The following SEL1L3 variants were observed in gnomAD, a reference collection of about 807,000 sequenced individuals.
SEL1L3 encodes the protein protein sel-1 homolog 3.
A neutral mutation model predicts 142.8 loss-of-function variants in SEL1L3; 76 were observed. The observed-to-expected ratio is 0.53, with a 90% CI of 0.44 to 0.64. The LOEUF is 0.64. SEL1L3 is among the 30% of genes least tolerant of loss of function. SEL1L3 has a pLI of 0.00. For missense variants in SEL1L3, 1,262 were observed against 1,381.7 expected (o/e 0.91, Z 1.37); for synonymous variants, 504 against 519.6 (o/e 0.97, Z 0.41).
Position 25,818,229 on chromosome 4 carries a change from G to A in SEL1L3, c.1473C>T (p.Pro491=). ...YLDLQRRYGR[P]SMCRAFPWEK... is the part of the protein sequence containing the mutation. ...CCCAGGGGAAGGCTCTGCACATCGA[G>A]GGTCTCCCATACCTGCGCTGGAGGT... The change falls in exon 9 of 24, where the codon CCC becomes CCT. Residue 491 remains proline, a synonymous_variant. Transcript: ENST00000399878. 6.2e-7 allele frequency: 1 copy of A among 1,603,720 alleles called. No homozygotes were observed. Among genetic ancestry groups the A allele is most frequent in the South Asian group, 1.1e-5 (1 of 88,858 alleles).
chr4:25,810,173 C>T (rs1037617277), intron 9 of SEL1L3, among the ~76,000 whole-genome samples: 2 of 152,218 alleles, frequency 1.3e-5, no homozygotes, highest in Non-Finnish European at 2.9e-5. Context: ...GGCACCAACT[C>T]CCTTGGTCAG....
intron 11 of SEL1L3, among the ~76,000 whole-genome samples, chr4:25,791,426 G>A (rs1027647140): frequency 7.2e-5 from 11 of 152,198 alleles, no homozygotes; most frequent in Non-Finnish European, 1.6e-4. Flanking sequence ...TCATTTTGAT[G>A]TATAAACTTT....
chr4:25,827,215 T>C (rs1195642369), intron 6 of SEL1L3, among the ~76,000 whole-genome samples: 1 of 152,200 alleles, frequency 6.6e-6, no homozygotes, highest in Non-Finnish European at 1.5e-5. Flanking sequence ...TCCCACCAAA[T>C]TCATATGTCA....
chr4:25,820,994 C>T (rs78112318), intron 7 of SEL1L3, among the ~76,000 whole-genome samples: 8,349 of 152,206 alleles, frequency 0.055, 406 homozygotes, highest in African/African-American at 0.12. Flanking sequence ...TCCCAAAGCG[C>T]TGGGATTACA....
At chr4:25,805,134 C>G (rs1309570482) in intron 9 of SEL1L3, among the ~76,000 whole-genome samples, 1 of 152,202 alleles carries the variant, frequency 6.6e-6, no homozygotes, top group Non-Finnish European at 1.5e-5. Flanking sequence ...ATCTCACAAA[C>G]AGTTCTTAGG....
intron 9 of SEL1L3, among the ~76,000 whole-genome samples, chr4:25,817,300 G>GT (rs554364467): frequency 5.8e-4 from 88 of 152,262 alleles, no homozygotes; most frequent in African/African-American, 2.0e-3. Context: ...TCAGGATCTG[G>GT]TTCTATGCCC....
intron 23 of SEL1L3, among the ~76,000 whole-genome samples, chr4:25,755,440 G>A (rs974260923): frequency 1.3e-4 from 19 of 151,822 alleles, no homozygotes; most frequent in Non-Finnish European, 2.4e-4. Flanking sequence ...AAGCTACTTC[G>A]CCTCTCTGCC....
Position 25,842,049 on chromosome 4 carries a change from C to G in SEL1L3, c.733+5245G>C, listed in dbSNP as rs1171000335. On this transcript the variant is annotated intron_variant, in intron 2 of 23. Transcript: ENST00000399878. ...GTTCAGTAGCAGTAAGTGACTGTAA[C>G]TATTGGTAGCCATGTTAAAGAGGGT... Among the ~76,000 whole-genome samples, 3 of 152,118 alleles carry G rather than the reference C, an allele frequency of 2.0e-5. No individual in the cohort carries two copies. In the East Asian group the frequency reaches 5.8e-4, roughly 29 times the overall value.
At position 25,862,897 on chromosome 4, in the gene SEL1L3, C is replaced by G; in HGVS notation, c.-61G>C. ...CCTGGTGCAGGGACCGGCCCCCGCC[C>G]GAGGCGCCACCTTCCCGCCCGCCCC... On this transcript the variant is annotated 5_prime_UTR_variant, in exon 1 of 24. Transcript: ENST00000399878. 1.9e-6 allele frequency: 2 copies of G among 1,027,714 alleles called. No homozygotes were observed. Among genetic ancestry groups the G allele is most frequent in the Non-Finnish European group, 2.3e-6 (2 of 858,326 alleles). The allele number at this position is 1,027,714 out of a possible 1,614,324, so 63.7% of individuals were successfully genotyped here.
intron 9 of SEL1L3, among the ~76,000 whole-genome samples, chr4:25,813,155 A>G (rs1714147969): frequency 6.6e-6 from 1 of 152,238 alleles, no homozygotes; most frequent in African/African-American, 2.4e-5. Flanking sequence ...AAAAAATTAA[A>G]TGTAGAATTA....
intron 23 of SEL1L3, 60 bp from the exon 24 acceptor site, chr4:25,748,624 A>G: frequency 6.5e-7 from 1 of 1,548,852 alleles, no homozygotes; most frequent in Non-Finnish European, 8.7e-7. Context: ...CAGAATGTAC[A>G]ACCACACCTA....
At chr4:25,802,146 C>T (rs1032197502) in intron 11 of SEL1L3, 137 bp downstream of exon 11, 7 of 715,604 alleles carry the variant, frequency 9.8e-6, no homozygotes, top group Non-Finnish European at 1.6e-5. Context: ...AAATGGAGAG[C>T]GCAAGACAGC....
intron 5 of SEL1L3, among the ~76,000 whole-genome samples, chr4:25,830,464 A>G (rs902465803): frequency 6.6e-6 from 1 of 152,178 alleles, no homozygotes; most frequent in African/African-American, 2.4e-5. Context: ...GTTGTGTAGA[A>G]AGACAAGGAA....
intron 2 of SEL1L3, among the ~76,000 whole-genome samples, chr4:25,837,137 T>A (rs1577678441): frequency 6.6e-6 from 1 of 150,840 alleles, no homozygotes; most frequent in African/African-American, 2.4e-5. Context: ...ATGACGGGGG[T>A]GGTGAGAGGG....
At chr4:25,853,102 G>A (rs193216021) in intron 1 of SEL1L3, among the ~76,000 whole-genome samples, 2 of 152,314 alleles carry the variant, frequency 1.3e-5, no homozygotes, top group Admixed American at 1.3e-4. Context: ...CACGCCAGGT[G>A]TTGTGGCTCA....
intron 23 of SEL1L3, among the ~76,000 whole-genome samples, chr4:25,755,478 G>A (rs1406460634): frequency 2.0e-5 from 3 of 152,038 alleles, no homozygotes; most frequent in Non-Finnish European, 4.4e-5. Flanking sequence ...AAAGTAAAGG[G>A]CATAGAATTA....
At chr4:25,774,181 G>A (rs946959725) in intron 17 of SEL1L3, among the ~76,000 whole-genome samples, 3 of 152,168 alleles carry the variant, frequency 2.0e-5, no homozygotes, top group African/African-American at 4.8e-5. Flanking sequence ...GGATTCCGGG[G>A]CAGAGGAAAA....
chr4:25,721,046 C>A, the SEL1L3 span: 1 of 152,036 alleles, frequency 6.6e-6, no homozygotes, highest in East Asian at 1.9e-4. Flanking sequence ...TAGAATTATT[C>A]CATATTGGAG....
At chr4:25,765,558 T>C in intron 19 of SEL1L3, 123 bp from the exon 20 acceptor site, 1 of 658,910 alleles carries the variant, frequency 1.5e-6, no homozygotes, top group Non-Finnish European at 2.7e-6. Context: ...AGAACATCTT[T>C]ATGTTTCCCT....
Sources: gnomAD v4.1 joint callset for allele counts (sites outside exome capture counted in the v4.1 genomes callset) on GRCh38, gnomAD v4.1.1 for gene constraint, MANE v1.5 for transcripts, NCBI Gene and HGNC (gene_info 2026-07-23, HGNC 2026-07-21) for gene names.